Variants in TEK observed in about 807,000 individuals in gnomAD.
The protein encoded by TEK is TEK receptor tyrosine kinase.
TEK carries 43 observed loss-of-function variants against 131.8 expected under a neutral mutation model. The ratio of observed to expected loss-of-function variants is 0.33; its 90% CI spans 0.26 to 0.42. TEK has a LOEUF of 0.42. Among genes scored for constraint, TEK ranks in the 10% least tolerant of loss-of-function variants. TEK has a pLI of 1.00. For synonymous variants in TEK, 580 were observed against 491.6 expected (o/e 1.18, Z -2.38); for missense variants, 1,162 against 1,384.4 (o/e 0.84, Z 2.55).
At chr9:27,186,068 G>T (rs1824588976) in intron 9 of TEK, among the ~76,000 whole-genome samples, 1 of 152,136 alleles carries the variant, frequency 6.6e-6, no homozygotes, top group Admixed American at 6.6e-5. Context: ...TTATTGTAGA[G>T]AATTATTTGG....
chr9:27,190,724 A>T (rs1413948332), intron 10 of TEK, 34 bp downstream of exon 10: 3 of 1,612,664 alleles, frequency 1.9e-6, no homozygotes, highest in Non-Finnish European at 2.5e-6. Flanking sequence ...CCAGCTGGGG[A>T]TGTGGCACCA....
intron 15 of TEK, among the ~76,000 whole-genome samples, chr9:27,207,063 G>A (rs1825424146): frequency 6.6e-6 from 1 of 152,184 alleles, no homozygotes; most frequent in African/African-American, 2.4e-5. Flanking sequence ...CTTTTGCGGA[G>A]CATCATTGTT....
At chr9:27,177,938 T>C (rs1200872847) in intron 6 of TEK, among the ~76,000 whole-genome samples, 1 of 152,222 alleles carries the variant, frequency 6.6e-6, no homozygotes, top group Non-Finnish European at 1.5e-5. Flanking sequence ...TTGATTGTTT[T>C]CTTTGCTGTG....
intron 22 of TEK, 105 bp from the exon 23 acceptor site, chr9:27,229,051 GTA>G (rs1320938360): frequency 1.1e-6 from 1 of 907,866 alleles, no homozygotes; most frequent in Non-Finnish European, 1.9e-6. Flanking sequence ...CAAGTGCTTA[GTA>G]TATGAGTTGC....
intron 11 of TEK, 55 bp downstream of exon 11, chr9:27,192,678 G>C: frequency 6.5e-7 from 1 of 1,528,330 alleles, no homozygotes; most frequent in Non-Finnish European, 9.0e-7. Context: ...GGGGAGGAAG[G>C]GGAAAGAGGA....
At position 27,218,798 on chromosome 9, in the gene TEK, A is replaced by G. The variant is rs1825926111; in HGVS notation, c.3084A>G (p.Leu1028=). 6.2e-7 allele frequency: 1 copy of G among 1,613,970 alleles called. No individual in the cohort carries two copies. Residue 1028 remains leucine (L), a synonymous_variant, in exon 20 of 23, where the codon CTA becomes CTG. Coordinates refer to ENST00000380036, the MANE Select transcript of TEK (RefSeq NM_000459.5). ...GCAGATGGTCCTATGGTGTGTTACTATGGGAGATTGTTAGCTTAGGTGAGT... is the reference window on the plus strand; with the variant it reads ...GCAGATGGTCCTATGGTGTGTTACTGTGGGAGATTGTTAGCTTAGGTGAGT... The part of the protein sequence containing the change: ...NSDVWSYGVL[L]WEIVSLGGTP...
intron 2 of TEK, 65 bp from the exon 3 acceptor site, chr9:27,168,430 G>A (rs1166504590): frequency 7.7e-7 from 1 of 1,295,266 alleles, no homozygotes; most frequent in Non-Finnish European, 1.1e-6. Flanking sequence ...GAGTCTCAAA[G>A]CTCAATTGCT....
chr9:27,169,290 A>G (rs1051093504), intron 3 of TEK, among the ~76,000 whole-genome samples, 187 bp from the exon 4 acceptor site: 1 of 152,204 alleles, frequency 6.6e-6, no homozygotes, highest in African/African-American at 2.4e-5. Flanking sequence ...CTGTTCTATC[A>G]CTATGACTTT....
intron 16 of TEK, among the ~76,000 whole-genome samples, chr9:27,212,478 G>C (rs1161631527): frequency 1.3e-5 from 2 of 152,146 alleles, no homozygotes; most frequent in Non-Finnish European, 2.9e-5. Flanking sequence ...TGGTAGGAAT[G>C]GAGAGGGGGT....
intron 1 of TEK, among the ~76,000 whole-genome samples, chr9:27,137,432 G>T (rs1425470144): frequency 6.8e-6 from 1 of 147,198 alleles, no homozygotes; most frequent in African/African-American, 2.5e-5. Context: ...AGCTATTTTA[G>T]GTTAGCTAAC....
At chr9:27,197,677 A>G in intron 12 of TEK, 78 bp downstream of exon 12, 1 of 1,556,868 alleles carries the variant, frequency 6.4e-7, no homozygotes, top group Middle Eastern at 2.1e-4. Context: ...ACATCACTGC[A>G]GGACTATTGG....
chr9:27,174,177 C>A (rs1489652992), intron 6 of TEK, among the ~76,000 whole-genome samples: 7 of 152,100 alleles, frequency 4.6e-5, no homozygotes, highest in South Asian at 4.1e-4. Context: ...TCAACATGAA[C>A]CTGCAGACAA....
At position 27,158,149 on chromosome 9, in the gene TEK, T is replaced by C. The variant is rs1157756399; in HGVS notation, c.364+7T>C. 6.2e-7 allele frequency: 1 copy of C among 1,613,938 alleles called. No individual in the cohort carries two copies. Among genetic ancestry groups the C allele is most frequent in the African/African-American group, 1.3e-5 (1 of 74,924 alleles). ...ATGAAGATGCGTCAACAAGGTAACA[T>C]GCCCCTAAGTTTTGGGCAGGTGAGG... On this transcript the variant is annotated splice_region_variant and intron_variant, in intron 2 of 22. Coordinates refer to ENST00000380036, the MANE Select transcript of TEK (RefSeq NM_000459.5).
chr9:27,139,940 C>G (rs1215780397), intron 1 of TEK, among the ~76,000 whole-genome samples: 1 of 152,078 alleles, frequency 6.6e-6, no homozygotes, highest in Non-Finnish European at 1.5e-5. Flanking sequence ...CCTATGTTCC[C>G]CCTGTCCTGC....
intron 1 of TEK, among the ~76,000 whole-genome samples, chr9:27,114,253 A>G (rs1300100639): frequency 6.6e-6 from 1 of 152,272 alleles, no homozygotes; most frequent in East Asian, 1.9e-4. Flanking sequence ...ACATTGTAGA[A>G]AGGATCTCAG....
intron 21 of TEK, among the ~76,000 whole-genome samples, chr9:27,226,948 G>A (rs1421821732): frequency 1.3e-5 from 2 of 152,182 alleles, no homozygotes; most frequent in Middle Eastern, 3.4e-3. Flanking sequence ...AGTGAAGGAG[G>A]GTGTTAATCT....
intron 1 of TEK, among the ~76,000 whole-genome samples, chr9:27,124,199 G>GT (rs1821903619): frequency 6.6e-6 from 1 of 152,350 alleles, no homozygotes; most frequent in South Asian, 2.1e-4. Flanking sequence ...TTGTTGCCAT[G>GT]TAACAAACTA....
intron 15 of TEK, among the ~76,000 whole-genome samples, 178 bp from the exon 16 acceptor site, chr9:27,208,942 AT>A (rs1290579686): frequency 6.6e-6 from 1 of 152,224 alleles, no homozygotes; most frequent in African/African-American, 2.4e-5. Flanking sequence ...CTGCAAAGGA[AT>A]TATCAGCCCA....
At chr9:27,217,948 G>A (rs1825878655) in intron 19 of TEK, among the ~76,000 whole-genome samples, 190 bp downstream of exon 19, 1 of 152,124 alleles carries the variant, frequency 6.6e-6, no homozygotes, top group South Asian at 2.1e-4. Flanking sequence ...AGAATCACTT[G>A]TGGCAGGTTT....
Sources: allele counts gnomAD v4.1 joint callset (sites outside exome capture counted in the v4.1 genomes callset), GRCh38; gene constraint gnomAD v4.1.1; transcripts MANE v1.5; gene names NCBI Gene and HGNC (gene_info 2026-07-23, HGNC 2026-07-21).